Variants in TBC1D12 observed in about 807,000 individuals in gnomAD.
The protein encoded by TBC1D12 is TBC1 domain family member 12, also known as TBC1 domain family, member 12.
A neutral mutation model predicts 86.7 loss-of-function variants in TBC1D12; 56 were observed. The observed-to-expected ratio is 0.65, with a 90% CI of 0.52 to 0.81. TBC1D12 has a LOEUF of 0.81. Among genes scored for constraint, TBC1D12 ranks in the 30% least tolerant of loss-of-function variants. The probability of loss-of-function intolerance (pLI) is 0.00; values close to 1 mark genes in which losing one functional copy is unlikely to be tolerated. For synonymous variants in TBC1D12, 421 were observed against 411.7 expected, an observed-to-expected ratio of 1.02 and a Z score of -0.27; for missense variants, 1,023 against 1,038.8, an observed-to-expected ratio of 0.98 and a Z score of 0.21.
chr10:94,486,124 T>C (rs112820581), intron 3 of TBC1D12, among the ~76,000 whole-genome samples: 2 of 139,562 alleles, frequency 1.4e-5, no homozygotes, highest in African/African-American at 2.7e-5. Flanking sequence ...CTTTTTCTTT[T>C]TTCTTCTTCT....
At chr10:94,510,227 T>G in intron 8 of TBC1D12, 48 bp downstream of exon 8, 1 of 1,337,378 alleles carries the variant, frequency 7.5e-7, no homozygotes, top group Non-Finnish European at 1.0e-6. Context: ...AATCTATCAA[T>G]ATCCAAGGCA....
chr10:94,494,566 C>T (rs1409489989), intron 4 of TBC1D12, among the ~76,000 whole-genome samples: 2 of 152,006 alleles, frequency 1.3e-5, no homozygotes, highest in Non-Finnish European at 2.9e-5. Flanking sequence ...TTTTTTGAGA[C>T]AGGGTCTTGC....
At chr10:94,496,727 G>A (rs1274224717) in intron 4 of TBC1D12, among the ~76,000 whole-genome samples, 1 of 152,048 alleles carries the variant, frequency 6.6e-6, no homozygotes, top group East Asian at 1.9e-4. Flanking sequence ...ACTGGGCATG[G>A]TGGCACACAT....
intron 2 of TBC1D12, among the ~76,000 whole-genome samples, chr10:94,459,438 G>C (rs113438428): frequency 6.6e-6 from 1 of 152,248 alleles, no homozygotes; most frequent in Non-Finnish European, 1.5e-5. Context: ...TTCGCCTAGC[G>C]GATCCTGTGC....
chr10:94,474,804 C>T (rs2134146328), intron 3 of TBC1D12, 21 bp downstream of exon 3: 3 of 1,569,802 alleles, frequency 1.9e-6, no homozygotes, highest in Non-Finnish European at 1.8e-6. Context: ...TAGTGATAAT[C>T]AGTGACATTG....
At chr10:94,530,409 T>A (rs932740942) in intron 11 of TBC1D12, among the ~76,000 whole-genome samples, 5 of 152,204 alleles carry the variant, frequency 3.3e-5, no homozygotes, top group Admixed American at 6.5e-5. Context: ...AATGGATGTT[T>A]GTGCAAGGGG....
intron 8 of TBC1D12, among the ~76,000 whole-genome samples, chr10:94,511,062 T>G (rs1564984933): frequency 6.6e-6 from 1 of 151,930 alleles, no homozygotes; most frequent in African/African-American, 2.4e-5. Flanking sequence ...TATTTGGCTT[T>G]TTGTTGTTGT....
intron 1 of TBC1D12, among the ~76,000 whole-genome samples, chr10:94,435,933 C>T (rs565262468): frequency 6.6e-6 from 1 of 152,282 alleles, no homozygotes; most frequent in East Asian, 1.9e-4. Flanking sequence ...AATCTTTCCT[C>T]GTTGATCTGC....
intron 3 of TBC1D12, among the ~76,000 whole-genome samples, chr10:94,487,694 CTTTTTT>C (rs35682157): frequency 7.9e-6 from 1 of 127,334 alleles, no homozygotes; most frequent in Non-Finnish European, 1.7e-5. Flanking sequence ...TGTTGTTTCT[CTTTTTT>C]TTTTTTTTTT....
At chr10:94,410,660 C>G (rs2054917491) in intron 1 of TBC1D12, among the ~76,000 whole-genome samples, 1 of 152,170 alleles carries the variant, frequency 6.6e-6, no homozygotes, top group African/African-American at 2.4e-5. Flanking sequence ...AGAATTACAA[C>G]TAGACTGTAG....
intron 4 of TBC1D12, among the ~76,000 whole-genome samples, chr10:94,495,888 G>C (rs1014524923): frequency 6.6e-6 from 1 of 152,172 alleles, no homozygotes; most frequent in African/African-American, 2.4e-5. Flanking sequence ...CAGATCGTGA[G>C]GTCAGGTGTT....
chr10:94,460,972 C>G (rs900787051), intron 2 of TBC1D12, among the ~76,000 whole-genome samples: 4 of 152,088 alleles, frequency 2.6e-5, no homozygotes, highest in African/African-American at 9.7e-5. Flanking sequence ...ATTATTCTTG[C>G]ATGTTGTCTA....
At chr10:94,507,880 G>A (rs1334167198) in intron 7 of TBC1D12, among the ~76,000 whole-genome samples, 1 of 152,110 alleles carries the variant, frequency 6.6e-6, no homozygotes, top group Non-Finnish European at 1.5e-5. Flanking sequence ...CAGCTACTTG[G>A]GAGGCTGAGG....
chr10:94,471,135 G>A (rs2055899253), intron 2 of TBC1D12, among the ~76,000 whole-genome samples: 1 of 151,982 alleles, frequency 6.6e-6, no homozygotes, highest in Admixed American at 6.6e-5. Context: ...AATTAGCCGG[G>A]CATGGTGGCA....
chr10:94,492,189 T>C (rs569948503), intron 3 of TBC1D12, among the ~76,000 whole-genome samples: 1 of 152,284 alleles, frequency 6.6e-6, no homozygotes, highest in South Asian at 2.1e-4. Context: ...ATCATAGTTA[T>C]GTATGTATAG....
chr10:94,505,579 T>C (rs1023893215), intron 6 of TBC1D12, among the ~76,000 whole-genome samples: 1 of 151,778 alleles, frequency 6.6e-6, no homozygotes, highest in African/African-American at 2.4e-5. Flanking sequence ...TCTCAAAAAA[T>C]AAGAAGAAGA....
chr10:94,511,858 T>G (rs2056532478), intron 9 of TBC1D12, among the ~76,000 whole-genome samples: 1 of 152,216 alleles, frequency 6.6e-6, no homozygotes, highest in African/African-American at 2.4e-5. Context: ...CTGGGGGAGC[T>G]GCGGGAGATT....
rs1001315698 is a variant in TBC1D12 at position 94,535,691 on chromosome 10, A to G, written c.*2595A>G. The G allele has an allele frequency of 1.3e-5, 2 of 152,164 alleles. No individual in the cohort carries two copies. The highest frequency in any genetic ancestry group is 2.9e-5 in the Non-Finnish European group (2 of 68,006). The allele number at this position is 152,164 out of a possible 1,614,324, so 9.4% of individuals were successfully genotyped here. ...GGTATTGGTATCCTTGATAGAGGGA[A>G]TATAACATCTGGCAGTAATCTCATT... On this transcript the variant is annotated 3_prime_UTR_variant, in exon 13 of 13. Coordinates refer to ENST00000225235, the MANE Select transcript of TBC1D12 (RefSeq NM_015188.2).
At chr10:94,461,536 G>C (rs2055730371) in intron 2 of TBC1D12, among the ~76,000 whole-genome samples, 1 of 152,142 alleles carries the variant, frequency 6.6e-6, no homozygotes, top group Non-Finnish European at 1.5e-5. Flanking sequence ...CTGAGGACCT[G>C]GTAGAGTTCC....
Sources: gnomAD v4.1 joint callset for allele counts (sites outside exome capture counted in the v4.1 genomes callset) on GRCh38, gnomAD v4.1.1 for gene constraint, MANE v1.5 for transcripts, NCBI Gene and HGNC (gene_info 2026-07-23, HGNC 2026-07-21) for gene names.